Variants in KLF13 observed in about 807,000 individuals in gnomAD.
KLF13 encodes the protein KLF transcription factor 13.
In KLF13, 8 loss-of-function variants were observed where a neutral mutation model predicts 16.7. That is an observed-to-expected ratio of 0.48 (90% CI 0.28 to 0.87). KLF13 has a LOEUF of 0.87. KLF13 is among the 40% of genes least tolerant of loss of function. The probability of loss-of-function intolerance (pLI) is 0.10; values close to 1 mark genes in which losing one functional copy is unlikely to be tolerated. For synonymous variants in KLF13, 245 were observed against 208.4 expected (o/e 1.18, Z -1.51); for missense variants, 447 against 452.2 (o/e 0.99, Z 0.10).
Position 31,342,497 on chromosome 15 carries a change from C to T in KLF13, c.577+14708C>T, listed in dbSNP as rs555277016. On this transcript the variant is annotated intron_variant, in intron 1 of 1. Transcript: ENST00000307145. ...TGCAGCAAAACTTGCCTCACTGGATCGCTTCATAACAGCTCCTTCAAGTGG... is the reference window on the plus strand; with the variant it reads ...TGCAGCAAAACTTGCCTCACTGGATTGCTTCATAACAGCTCCTTCAAGTGG... 7.9e-5 allele frequency among the ~76,000 whole-genome samples: 12 copies of T among 152,330 alleles called. No homozygotes were observed. The South Asian group carries it at 8.3e-4, about 11-fold the overall frequency.
chr15:31,327,920 C>T lies in KLF13; in HGVS notation c.577+131C>T, dbSNP rs1595446131. The stretch of plus-strand genomic sequence containing the variant: ...GGCCGGAACGCCCGGGGCCTCGCCC[C>T]TTCCCCTGCCGCTCCGACCCGCGGC... On this transcript the variant is annotated intron_variant, in intron 1 of 1. Coordinates refer to ENST00000307145, the MANE Select transcript of KLF13 (RefSeq NM_015995.4). 23 of 1,050,820 alleles carry T rather than the reference C, an allele frequency of 2.2e-5. No homozygotes were observed. The South Asian group carries it at 2.3e-4, about 10-fold the overall frequency. The allele number at this position is 1,050,820 out of a possible 1,614,324, so 65.1% of individuals were successfully genotyped here.
In KLF13 at chr15:31,373,793, T is replaced by A. The variant is rs550535045; in HGVS notation, c.*1494T>A. ...TTGTGGCCCAGGTATCACCTTCCCT[T>A]CCTCCTGAGAGTTGAGGCCTGTAAA... On this transcript the variant is annotated 3_prime_UTR_variant, in exon 2 of 2. Transcript: ENST00000307145. 1 of 149,402 alleles carries A rather than the reference T, an allele frequency of 6.7e-6. No homozygotes were observed. Among genetic ancestry groups the A allele is most frequent in the South Asian group, 2.1e-4 (1 of 4,690 alleles). The allele number at this position is 149,402 out of a possible 1,614,324, so 9.3% of individuals were successfully genotyped here. A position where few individuals can be genotyped will look rare whatever the true frequency, so the allele number is the denominator to read the frequency against.
chr15:31,337,556 A>C (rs2038951749), intron 1 of KLF13, among the ~76,000 whole-genome samples: 1 of 152,222 alleles, frequency 6.6e-6, no homozygotes, highest in East Asian at 1.9e-4. Flanking sequence ...TGAACATCAT[A>C]GAATGCACTT....
intron 1 of KLF13, among the ~76,000 whole-genome samples, chr15:31,349,553 G>A (rs529002116): frequency 1.3e-5 from 2 of 152,358 alleles, no homozygotes; most frequent in African/African-American, 4.8e-5. Context: ...CCAGCCTGTG[G>A]TTAGTCAGCT....
chr15:31,350,106 T>A (rs1037731874), intron 1 of KLF13, among the ~76,000 whole-genome samples: 2 of 152,214 alleles, frequency 1.3e-5, no homozygotes, highest in African/African-American at 4.8e-5. Context: ...CCTCGGCCAT[T>A]CCAGACATGG....
intron 2 of KLF13, among the ~76,000 whole-genome samples, chr15:31,396,490 G>A (rs1266897793): frequency 6.6e-6 from 1 of 152,176 alleles, no homozygotes; most frequent in Non-Finnish European, 1.5e-5. Context: ...TGGTTGGGGG[G>A]CAGCCAGTGA....
intron 1 of KLF13, among the ~76,000 whole-genome samples, chr15:31,418,508 A>G (rs540418081): frequency 6.6e-6 from 1 of 152,312 alleles, no homozygotes; most frequent in South Asian, 2.1e-4. Context: ...AAAAACAAAG[A>G]GTGCACAAAT....
chr15:31,335,239 G>A (rs1172166957), intron 1 of KLF13, among the ~76,000 whole-genome samples: 5 of 152,150 alleles, frequency 3.3e-5, no homozygotes, highest in Admixed American at 2.0e-4. Flanking sequence ...AGCTGTTTGT[G>A]AGGCAGGCTT....
intron 1 of KLF13, chr15:31,420,594 G>A (rs1201241751): frequency 2.3e-6 from 1 of 437,676 alleles, no homozygotes; most frequent in Admixed American, 3.3e-5. Context: ...GTTGAGTTCT[G>A]GAAAAACCCT....
chr15:31,357,504 C>T (rs1167943853), intron 1 of KLF13, among the ~76,000 whole-genome samples: 1 of 152,202 alleles, frequency 6.6e-6, no homozygotes, highest in Non-Finnish European at 1.5e-5. Context: ...TCCGGGTTTT[C>T]CCCCAAGAGG....
At chr15:31,364,821 C>CATGTCA (rs2039441057) in intron 1 of KLF13, among the ~76,000 whole-genome samples, 1 of 152,256 alleles carries the variant, frequency 6.6e-6, no homozygotes, top group Non-Finnish European at 1.5e-5. Context: ...AAGCCATGTG[C>CATGTCA]ATGTCAGCTC....
chr15:31,372,041 C>G lies in KLF13; in HGVS notation c.609C>G (p.Asp203Glu). Residue 203 changes from aspartate to glutamate, a missense_variant, in exon 2 of 2, where the codon GAC becomes GAG. Physicochemically the swap from Asp to Glu is conservative, Grantham distance 45. Coordinates refer to ENST00000307145, the MANE Select transcript of KLF13 (RefSeq NM_015995.4). ...GERPFACSWQ[D>E]CNKKFARSDE... is the part of the protein sequence containing the mutation. ...GGCCCTTCGCCTGCAGCTGGCAGGA[C>G]TGCAACAAGAAGTTCGCGCGCTCCG... The G allele has an allele frequency of 6.2e-7, 1 of 1,610,560 alleles. No homozygotes were observed. The highest frequency in any genetic ancestry group is 8.5e-7 in the Non-Finnish European group (1 of 1,178,970).
intron 1 of KLF13, among the ~76,000 whole-genome samples, chr15:31,371,420 C>G (rs1299268539): frequency 6.6e-6 from 1 of 152,226 alleles, no homozygotes; most frequent in African/African-American, 2.4e-5. Flanking sequence ...CCTGGTTGGT[C>G]ACTTTGGGAC....
chr15:31,342,701 A>AT (rs1339889216), intron 1 of KLF13, among the ~76,000 whole-genome samples: 2 of 151,740 alleles, frequency 1.3e-5, no homozygotes, highest in South Asian at 2.1e-4. Flanking sequence ...GGATATATGT[A>AT]TTTTTTTCTT....
chr15:31,328,677 C>T (rs1431668036), intron 1 of KLF13, among the ~76,000 whole-genome samples: 1 of 152,216 alleles, frequency 6.6e-6, no homozygotes, highest in Non-Finnish European at 1.5e-5. Context: ...CCCGCCAGCC[C>T]AGCGGCAACA....
chr15:31,384,949 G>A (rs1216735117), intron 1 of KLF13, among the ~76,000 whole-genome samples: 1 of 152,150 alleles, frequency 6.6e-6, no homozygotes, highest in Non-Finnish European at 1.5e-5. Flanking sequence ...CCCTCAATAG[G>A]ATGGCATTAA....
At chr15:31,405,248 C>T (rs1566840022), downstream of KLF13, among the ~76,000 whole-genome samples, 2 of 152,030 alleles carry the variant, frequency 1.3e-5, no homozygotes, top group Admixed American at 6.5e-5. Flanking sequence ...CGGGAGGCAG[C>T]GATTGCAGTG....
At chr15:31,367,321 G>A (rs939380634) in intron 1 of KLF13, among the ~76,000 whole-genome samples, 3 of 152,222 alleles carry the variant, frequency 2.0e-5, no homozygotes, top group Non-Finnish European at 2.9e-5. Context: ...GAATGGAGCC[G>A]TGGGGGCCGC....
At chr15:31,428,768 A>T (rs2040430086) in intron 1 of KLF13, among the ~76,000 whole-genome samples, 1 of 126,594 alleles carries the variant, frequency 7.9e-6, no homozygotes, top group South Asian at 2.8e-4. Flanking sequence ...GCGCCACTGC[A>T]GTCTGGCCTG....
Sources: gnomAD v4.1 joint callset for allele counts (sites outside exome capture counted in the v4.1 genomes callset) on GRCh38, gnomAD v4.1.1 for gene constraint, MANE v1.5 for transcripts, NCBI Gene and HGNC (gene_info 2026-07-23, HGNC 2026-07-21) for gene names.